RAC1: variants seen among roughly 807,000 people sequenced by gnomAD.
RAC1 encodes the protein Rac family small GTPase 1.
In RAC1, 2 loss-of-function variants were observed where a neutral mutation model predicts 25.2. The ratio of observed to expected loss-of-function variants is 0.08; its 90% CI spans 0.03 to 0.25. RAC1 has a LOEUF of 0.25. Among genes scored for constraint, RAC1 ranks in the 10% least tolerant of loss-of-function variants. The probability of loss-of-function intolerance (pLI) is 1.00; values close to 1 mark genes in which losing one functional copy is unlikely to be tolerated. For synonymous variants in RAC1, 88 were observed against 94.0 expected (o/e 0.94, Z 0.37); for missense variants, 50 against 235.7 (o/e 0.21, Z 5.16).
chr7:6,402,049 C>T (rs906648936), intron 5 of RAC1, 22 bp downstream of exon 5: 1 of 1,608,380 alleles, frequency 6.2e-7, no homozygotes, highest in Non-Finnish European at 8.5e-7. Context: ...TGTGTTTTTC[C>T]TCCTCCTTGT....
chr7:6,390,052 TCTC>T (rs1408178355), intron 2 of RAC1, among the ~76,000 whole-genome samples: 3 of 130,132 alleles, frequency 2.3e-5, no homozygotes, highest in Admixed American at 7.9e-5. Context: ...CCTCCTTCCT[TCTC>T]CTTTCTTTTC....
At chr7:6,400,324 T>TG (rs1360367914) in intron 4 of RAC1, 136 bp downstream of exon 4, 5 of 819,244 alleles carry the variant, frequency 6.1e-6, no homozygotes, top group Non-Finnish European at 9.8e-6. Flanking sequence ...AGTACATGAT[T>TG]GGGTTTTTTT....
chr7:6,398,560 G>A (rs1783311196), intron 3 of RAC1: 2 of 1,009,582 alleles, frequency 2.0e-6, no homozygotes, highest in Non-Finnish European at 3.0e-6. Flanking sequence ...TCTCTCCGGA[G>A]GGTTAAGACA....
intron 1 of RAC1, among the ~76,000 whole-genome samples, chr7:6,385,827 T>C (rs1218737189): frequency 6.6e-6 from 1 of 152,184 alleles, no homozygotes; most frequent in African/African-American, 2.4e-5. Flanking sequence ...TGATGTGTCA[T>C]TGTGACCTTG....
rs565284686 is a variant in RAC1, at chr7:6,379,524, T to C, written c.35+4754T>C. ...CTGACCTCAGGTTATCCACCTGCCT[T>C]AGCCTCTCAAAAAGTACTGGGATTA... On this transcript the variant is annotated intron_variant, in intron 1 of 5. Transcript: ENST00000348035. Among the ~76,000 whole-genome samples the C allele has an allele frequency of 3.9e-5, 6 of 152,124 alleles. No individual in the cohort carries two copies. In the South Asian group the frequency reaches 8.3e-4, roughly 21 times the overall value.
intron 2 of RAC1, among the ~76,000 whole-genome samples, chr7:6,389,770 T>A (rs1783035293): frequency 6.6e-6 from 1 of 152,130 alleles, no homozygotes; most frequent in Non-Finnish European, 1.5e-5. Flanking sequence ...CAGGTGATTC[T>A]CCACCTTGGT....
chr7:6,387,772 A>G (rs1270856386), intron 2 of RAC1, among the ~76,000 whole-genome samples: 1 of 152,150 alleles, frequency 6.6e-6, no homozygotes, highest in African/African-American at 2.4e-5. Context: ...ACTTTTCACA[A>G]CTTTGCTAGT....
chr7:6,379,813 A>T (rs1475439021), intron 1 of RAC1, among the ~76,000 whole-genome samples: 1 of 151,984 alleles, frequency 6.6e-6, no homozygotes, highest in Non-Finnish European at 1.5e-5. Context: ...CAGTGGCATG[A>T]TATGGGCTCA....
At chr7:6,380,698 A>T (rs753513262) in intron 1 of RAC1, among the ~76,000 whole-genome samples, 12 of 152,126 alleles carry the variant, frequency 7.9e-5, no homozygotes, top group Non-Finnish European at 1.5e-4. Context: ...TTTCAAACAG[A>T]CTAGTGGAAA....
At position 6,403,577 on chromosome 7, in the gene RAC1, CAT is replaced by C. The variant is rs761242391; in HGVS notation, c.*1132_*1133del. ...TTTTCTAGTAACTAGGTGTAAAAAT[CAT>C]GTGTTGCAGCTTTATAGTTTTTAAA... On this transcript the variant is annotated 3_prime_UTR_variant, in exon 6 of 6. Coordinates refer to ENST00000348035, the MANE Select transcript of RAC1 (RefSeq NM_006908.5). 7.3e-5 allele frequency: 16 copies of C among 217,810 alleles called. No individual in the cohort carries two copies. The highest frequency in any genetic ancestry group is 1.5e-3 in the Middle Eastern group (1 of 688). The allele number at this position is 217,810 out of a possible 1,614,324, so 13.5% of individuals were successfully genotyped here.
At chr7:6,392,677 T>C (rs1203955003) in intron 3 of RAC1, among the ~76,000 whole-genome samples, 1 of 152,162 alleles carries the variant, frequency 6.6e-6, no homozygotes, top group East Asian at 1.9e-4. Flanking sequence ...AAGACATTGT[T>C]GTCATTAAAA....
In RAC1 at chr7:6,376,838, A is replaced by T. The variant is rs567805341; in HGVS notation, c.35+2068A>T. Among the ~76,000 whole-genome samples the T allele has an allele frequency of 2.0e-4, 30 of 149,248 alleles. No individual in the cohort carries two copies. In the South Asian group the frequency reaches 2.9e-3, roughly 15 times the overall value. ...TGATAATTATTTGAAAATTTCTAAA[A>T]CTAAAACATAAGCATAGCAGATACG... On this transcript the variant is annotated intron_variant, in intron 1 of 5. Transcript: ENST00000348035.
intron 2 of RAC1, among the ~76,000 whole-genome samples, chr7:6,388,421 C>T (rs1782987632): frequency 6.7e-6 from 1 of 149,128 alleles, no homozygotes; most frequent in South Asian, 2.1e-4. Flanking sequence ...TCTCAGCTCA[C>T]TGCAGCGTCT....
chr7:6,386,323 A>T (rs746889871), intron 1 of RAC1, among the ~76,000 whole-genome samples: 3 of 152,162 alleles, frequency 2.0e-5, no homozygotes, highest in African/African-American at 7.2e-5. Context: ...GATGGCAGTT[A>T]CGTGTGGTAG....
At chr7:6,394,187 T>C (rs151262082) in intron 3 of RAC1, among the ~76,000 whole-genome samples, 14 of 152,312 alleles carry the variant, frequency 9.2e-5, no homozygotes, top group African/African-American at 3.4e-4. Context: ...CTTGTGGTCA[T>C]TTAACATTGG....
intron 3 of RAC1, among the ~76,000 whole-genome samples, chr7:6,397,996 C>G (rs1466265243): frequency 6.6e-5 from 10 of 152,122 alleles, no homozygotes; most frequent in Non-Finnish European, 5.9e-5. Flanking sequence ...CTCAAAAACG[C>G]TTGTCCTTAA....
chr7:6,375,109 T>C (rs544939842), intron 1 of RAC1, among the ~76,000 whole-genome samples: 1 of 150,318 alleles, frequency 6.7e-6, no homozygotes, highest in African/African-American at 2.4e-5. Context: ...ATTTTGACCA[T>C]TTTTCCAAAA....
intron 2 of RAC1, among the ~76,000 whole-genome samples, chr7:6,387,835 C>G (rs906455758): frequency 6.6e-6 from 1 of 152,076 alleles, no homozygotes; most frequent in Non-Finnish European, 1.5e-5. Flanking sequence ...GGTACAGAGA[C>G]TGGATGATGT....
chr7:6,379,719 GTTTTATTA>G (rs1782711368), intron 1 of RAC1, among the ~76,000 whole-genome samples: 1 of 152,058 alleles, frequency 6.6e-6, no homozygotes, highest in East Asian at 1.9e-4. Context: ...CTAAACAACA[GTTTTATTA>G]TTTTATTTTT....
Sources: allele counts gnomAD v4.1 joint callset (sites outside exome capture counted in the v4.1 genomes callset), GRCh38; gene constraint gnomAD v4.1.1; transcripts MANE v1.5; gene names NCBI Gene and HGNC (gene_info 2026-07-23, HGNC 2026-07-21).